The following STK10 variants were observed in gnomAD, a reference collection of about 807,000 sequenced individuals.
STK10 encodes serine/threonine kinase 10.
Under a neutral mutation model 113.8 loss-of-function variants are expected in STK10, and 78 were observed. The ratio of observed to expected loss-of-function variants is 0.69; its 90% confidence interval spans 0.57 to 0.83. The LOEUF is 0.83. Among genes scored for constraint, STK10 ranks in the 40% least tolerant of loss-of-function variants. STK10 has a pLI of 0.00. For synonymous variants in STK10, 465 were observed against 494.7 expected, an observed-to-expected ratio of 0.94 and a Z score of 0.80; for missense variants, 1,109 against 1,280.1, an observed-to-expected ratio of 0.87 and a Z score of 2.04.
At chr5:172,156,903 T>C in intron 1 of STK10, 115 bp from the exon 2 acceptor site, 1 of 1,225,010 alleles carries the variant, frequency 8.2e-7, no homozygotes, top group Non-Finnish European at 1.1e-6. Context: ...GTCCAGATGC[T>C]GAACCGGAAC....
rs1767928607 is a variant in STK10 at position 172,061,227 on chromosome 5, C to T, written c.2124G>A (p.Leu708=). Residue 708 remains leucine (L), a synonymous_variant, in exon 14 of 19, where the codon CTG becomes CTA. Coordinates refer to ENST00000176763, the MANE Select transcript of STK10 (RefSeq NM_005990.4). ...FVAKQKEDLE[L]AMKRLTTDNR... is the part of the protein sequence containing the mutation. The stretch of plus-strand genomic sequence containing the variant: ...TGTCGGTGGTGAGCCTCTTCATGGC[C>T]AGCTCCAGGTCCTCCTTCTGCTTGG... 2 of 1,613,436 alleles carry T rather than the reference C, an allele frequency of 1.2e-6. No individual in the cohort carries two copies. Among genetic ancestry groups the T allele is most frequent in the African/African-American group, 1.3e-5 (1 of 74,918 alleles).
intron 3 of STK10, among the ~76,000 whole-genome samples, chr5:172,118,573 C>A (rs1199131729): frequency 6.6e-6 from 1 of 152,096 alleles, no homozygotes; most frequent in Non-Finnish European, 1.5e-5. Flanking sequence ...CTGACATGAG[C>A]TGGTGTCTCC....
chr5:172,158,456 C>T (rs1187891532), intron 1 of STK10, among the ~76,000 whole-genome samples: 1 of 151,980 alleles, frequency 6.6e-6, no homozygotes, highest in African/African-American at 2.4e-5. Context: ...GGTGAAACCC[C>T]ATCTCACTAA....
rs115621492 is a variant in STK10, at chr5:172,126,704, A to T, written c.370+669T>A. On this transcript the variant is annotated intron_variant, in intron 3 of 18. Transcript: ENST00000176763. Reference sequence around the variant, plus strand: ...TGGCCACTACTAACATTTCACTGTGATCATCGTCGTCATTATTGCTCAAGC... The same window carrying T: ...TGGCCACTACTAACATTTCACTGTGTTCATCGTCGTCATTATTGCTCAAGC... Among the ~76,000 whole-genome samples, 306 of 152,358 alleles carry T rather than the reference A, an allele frequency of 2.0e-3. 1 individual carries two copies. Among genetic ancestry groups the T allele is most frequent in the African/African-American group, 7.3e-3 (303 of 41,584 alleles).
intron 1 of STK10, among the ~76,000 whole-genome samples, chr5:172,157,930 G>A (rs563946690): frequency 1.8e-4 from 28 of 152,198 alleles, no homozygotes; most frequent in South Asian, 1.5e-3. Flanking sequence ...TGTTTGATGC[G>A]TTTATTTGCA....
In STK10 at chr5:172,133,788, G is replaced by A. The variant is rs1769803043; in HGVS notation, c.322-6367C>T. Among the ~76,000 whole-genome samples, 1 of 152,206 alleles carries A rather than the reference G, an allele frequency of 6.6e-6. No individual in the cohort carries two copies. Among genetic ancestry groups the A allele is most frequent in the Non-Finnish European group, 1.5e-5 (1 of 68,042 alleles). ...AATTAATTTCTGCGCTGTTTAGTAG[G>A]TTAGTTTAAGGTTTGCTGTCACTTG... On this transcript the variant is annotated intron_variant, in intron 2 of 18. Transcript: ENST00000176763. The surrounding 1 kb of genome is among the most constrained non-coding windows in gnomAD (Gnocchi z 4.9).
chr5:172,103,412 A>C (rs992143266), intron 7 of STK10, among the ~76,000 whole-genome samples: 2 of 152,142 alleles, frequency 1.3e-5, no homozygotes, highest in African/African-American at 4.8e-5. Flanking sequence ...CCAAGTATGG[A>C]GCGGAAATTC....
chr5:172,168,871 G>A (rs999163408), intron 1 of STK10, among the ~76,000 whole-genome samples: 3 of 151,918 alleles, frequency 2.0e-5, no homozygotes, highest in Non-Finnish European at 4.4e-5. Flanking sequence ...CTTTCCCTCC[G>A]TGGCCTTCAA....
intron 12 of STK10, among the ~76,000 whole-genome samples, chr5:172,079,261 C>T (rs577975360): frequency 7.9e-5 from 12 of 152,278 alleles, no homozygotes; most frequent in Admixed American, 5.9e-4. Flanking sequence ...GCTCTTTGAA[C>T]ACTCCAAGCT....
chr5:172,045,097 C>T (rs1767470174), intron 18 of STK10, 75 bp from the exon 19 acceptor site: 1 of 1,577,772 alleles, frequency 6.3e-7, no homozygotes, highest in Non-Finnish European at 8.6e-7. Flanking sequence ...CACAGGACCC[C>T]CACTGACATG....
Position 172,093,627 on chromosome 5 carries a change from C to T in STK10, c.1339G>A (p.Ala447Thr), listed in dbSNP as rs934837703. 1 of 1,614,264 alleles carries T rather than the reference C, an allele frequency of 6.2e-7. No individual in the cohort carries two copies. The highest frequency in any genetic ancestry group is 8.5e-7 in the Non-Finnish European group (1 of 1,180,042). ...CTGCTGTTGGGCCGGCTCTGGCTGG[C>T]CTTTTGAGATCTGTTGGCTGCTGGG... ...LSPAANRSQKASQSRPNSSAL... is the reference protein window; with the variant it reads ...LSPAANRSQKTSQSRPNSSAL... Residue 447 changes from alanine to threonine, a missense_variant, in exon 9 of 19, where the codon GCC becomes ACC. Ala to Thr is a moderately conservative substitution (Grantham distance 58). Around this residue, in one of 5 missense-constraint regions of STK10, gnomAD observed 885 missense variants for 991.1 expected, o/e 0.89. Transcript: ENST00000176763. The surrounding 1 kb of genome is among the most constrained non-coding windows in gnomAD (Gnocchi z 4.1).
At chr5:172,088,113 G>A (rs62381961) in intron 10 of STK10, among the ~76,000 whole-genome samples, 26,259 of 151,652 alleles carry the variant, frequency 0.17, 2,784 homozygotes, top group African/African-American at 0.3. Flanking sequence ...GAGACACTAG[G>A]TTGCCCAGAT....
chr5:172,168,673 T>A (rs559202670), intron 1 of STK10, among the ~76,000 whole-genome samples: 2 of 152,168 alleles, frequency 1.3e-5, no homozygotes, highest in Non-Finnish European at 2.9e-5. Flanking sequence ...TCGCCTTTTA[T>A]GGAAGAGAAA....
intron 18 of STK10, among the ~76,000 whole-genome samples, chr5:172,050,698 T>C (rs982833849): frequency 2.6e-5 from 4 of 152,068 alleles, no homozygotes; most frequent in Non-Finnish European, 4.4e-5. Flanking sequence ...CAGCCTGAAC[T>C]TGACAGCTTC....
At chr5:172,065,476 G>A (rs60622896) in intron 12 of STK10, among the ~76,000 whole-genome samples, 1 of 151,808 alleles carries the variant, frequency 6.6e-6, no homozygotes, top group Non-Finnish European at 1.5e-5. Flanking sequence ...CTGCCTGCCT[G>A]GGCCTCCCAA....
chr5:172,135,324 C>T (rs534630269), intron 2 of STK10, among the ~76,000 whole-genome samples: 3 of 151,960 alleles, frequency 2.0e-5, no homozygotes, highest in Non-Finnish European at 4.4e-5. Flanking sequence ...ACAGCCTGGC[C>T]GACATAGTGA....
At chr5:172,137,862 A>T (rs1769897840) in intron 2 of STK10, among the ~76,000 whole-genome samples, 1 of 146,202 alleles carries the variant, frequency 6.8e-6, no homozygotes, top group Admixed American at 6.9e-5. Context: ...ACAGTACTCC[A>T]GCCTGGACGA....
rs114429360 is a variant in STK10, at chr5:172,064,013, G to A, written c.2082+707C>T. Among the ~76,000 whole-genome samples, 778 of 152,274 alleles carry A rather than the reference G, an allele frequency of 5.1e-3. 6 individuals are homozygous for A. Among genetic ancestry groups the A allele is most frequent in the African/African-American group, 0.016 (662 of 41,568 alleles). On this transcript the variant is annotated intron_variant, in intron 13 of 18. Coordinates refer to ENST00000176763, the MANE Select transcript of STK10 (RefSeq NM_005990.4). Reference sequence around the variant, plus strand: ...CGGCGCTTATCTTAGGGACAATGTGGGAGCCACTGAAGGGTTTTAAGGCAC... The same window carrying A: ...CGGCGCTTATCTTAGGGACAATGTGAGAGCCACTGAAGGGTTTTAAGGCAC...
At chr5:172,054,815 T>G in intron 16 of STK10, 121 bp from the exon 17 acceptor site, 1 of 1,362,542 alleles carries the variant, frequency 7.3e-7, no homozygotes, top group Non-Finnish European at 1.0e-6. Context: ...ACAGCCCCAG[T>G]ACCCAGCACC....
Sources: gnomAD v4.1 joint callset for allele counts (sites outside exome capture counted in the v4.1 genomes callset) on GRCh38, gnomAD v4.1.1 for gene constraint, gnomAD v4.1.1 regional missense constraint, Gnocchi (gnomAD v3.1) non-coding constraint, MANE v1.5 for transcripts, NCBI Gene and HGNC (gene_info 2026-07-23, HGNC 2026-07-21) for gene names.